OPN5: variants seen among roughly 807,000 people sequenced by gnomAD.
OPN5 encodes opsin 5.
In OPN5, 18 loss-of-function variants were observed where a neutral mutation model predicts 41.7. That is an observed-to-expected ratio of 0.43 (90% CI 0.30 to 0.64). The LOEUF is 0.64. Ranked by LOEUF, OPN5 falls within the 30% of genes least tolerant of loss-of-function variation. OPN5 has a pLI of 0.13. For synonymous variants in OPN5, 178 were observed against 164.3 expected (o/e 1.08, Z -0.64); for missense variants, 318 against 434.5 (o/e 0.73, Z 2.38).
intron 6 of OPN5, among the ~76,000 whole-genome samples, chr6:47,815,845 C>T (rs571531036): frequency 6.6e-6 from 1 of 152,226 alleles, no homozygotes; most frequent in South Asian, 2.1e-4. Context: ...CATATTTGTT[C>T]ACCAGGTTAT....
chr6:47,808,276 A>C, exon 5 of OPN5: 1 of 1,613,896 alleles, frequency 6.2e-7, no homozygotes, highest in Non-Finnish European at 8.5e-7. Flanking sequence ...TGCCAACCCT[A>C]CTTGCAAAAT....
At chr6:47,788,315 T>G (rs1338264958) in intron 2 of OPN5, among the ~76,000 whole-genome samples, 1 of 152,228 alleles carries the variant, frequency 6.6e-6, no homozygotes. Flanking sequence ...GAGCGTAACA[T>G]GCCTGAATGA....
chr6:47,798,611 A>T (rs921044200), intron 4 of OPN5, among the ~76,000 whole-genome samples: 3 of 151,118 alleles, frequency 2.0e-5, no homozygotes, highest in Non-Finnish European at 4.4e-5. Flanking sequence ...TCTATATTTC[A>T]TTTATTTATA....
intron 4 of OPN5, among the ~76,000 whole-genome samples, chr6:47,806,474 G>A (rs995868486): frequency 2.0e-5 from 3 of 152,130 alleles, no homozygotes; most frequent in Non-Finnish European, 4.4e-5. Context: ...TGTCTGCTTT[G>A]TTTATTGCTT....
intron 2 of OPN5, among the ~76,000 whole-genome samples, chr6:47,791,238 T>C (rs568903556): frequency 2.0e-5 from 3 of 152,210 alleles, no homozygotes; most frequent in East Asian, 1.9e-4. Context: ...AGAAAAAATG[T>C]TATGATCACC....
At chr6:47,820,133 TAGAG>T (rs5876036) in intron 6 of OPN5, among the ~76,000 whole-genome samples, 3,098 of 149,160 alleles carry the variant, frequency 0.021, 78 homozygotes, top group African/African-American at 0.061. Flanking sequence ...TCCTTTTGAA[TAGAG>T]AGAGAGAGAG....
At chr6:47,797,483 G>C (rs1189243106) in intron 4 of OPN5, among the ~76,000 whole-genome samples, 1 of 152,046 alleles carries the variant, frequency 6.6e-6, no homozygotes. Context: ...ATCAATCCTA[G>C]TTAAAGTTGA....
At chr6:47,795,920 T>C (rs905237913) in intron 4 of OPN5, among the ~76,000 whole-genome samples, 20 of 152,180 alleles carry the variant, frequency 1.3e-4, no homozygotes, top group African/African-American at 4.8e-4. Flanking sequence ...AAGAATAACT[T>C]TTATGAATCA....
At position 47,799,073 on chromosome 6, in the gene OPN5, G is replaced by T. The variant is rs540914704; in HGVS notation, c.756+3510G>T. Among the ~76,000 whole-genome samples, 50 of 152,074 alleles carry T rather than the reference G, an allele frequency of 3.3e-4. No individual in the cohort carries two copies. The East Asian group carries it at 9.7e-3, about 29-fold the overall frequency. ...GTCTGATCTCGTGAAGCTAAAAGTT[G>T]GCATTCTGTCTGCAAACCTTTCTCT... On this transcript the variant is annotated intron_variant, in intron 4 of 6. Coordinates refer to ENST00000371211, the Ensembl canonical transcript of OPN5.
At chr6:47,825,633 G>A (rs1762770058), downstream of OPN5, 1 of 152,182 alleles carries the variant, frequency 6.6e-6, no homozygotes, top group Non-Finnish European at 1.5e-5. Context: ...TTCAAGAACT[G>A]ATTCTGTTTT....
chr6:47,822,109 C>CAAAA (rs11284494), intron 6 of OPN5, among the ~76,000 whole-genome samples: 1 of 89,102 alleles, frequency 1.1e-5, no homozygotes, highest in South Asian at 3.9e-4. Context: ...GACTCTGTCT[C>CAAAA]AAAAAAAAAA....
chr6:47,790,080 T>G (rs1324133443), intron 2 of OPN5, among the ~76,000 whole-genome samples: 1 of 152,122 alleles, frequency 6.6e-6, no homozygotes, highest in Non-Finnish European at 1.5e-5. Context: ...GACCTCACAT[T>G]TACTGAAATA....
Position 47,791,989 on chromosome 6 carries a change from C to T in OPN5, c.421+17C>T. ...TATCTTATGGTAAGTTGGCAGGTTTCTCATTCCCTGACAGTTAAAGCTAGG... is the reference window on the plus strand; with the variant it reads ...TATCTTATGGTAAGTTGGCAGGTTTTTCATTCCCTGACAGTTAAAGCTAGG... On this transcript the variant is annotated intron_variant, in intron 3 of 6. Transcript: ENST00000371211. 6.3e-7 allele frequency: 1 copy of T among 1,599,448 alleles called. No individual in the cohort carries two copies. Among genetic ancestry groups the T allele is most frequent in the Non-Finnish European group, 8.6e-7 (1 of 1,168,092 alleles).
exon 2 of OPN5, chr6:47,786,612 A>C (rs1343012271): frequency 1.9e-6 from 3 of 1,613,268 alleles, no homozygotes; most frequent in South Asian, 1.1e-5. Context: ...TCAATTTAGC[A>C]GTCTGTGATC....
chr6:47,818,031 T>C (rs1762483193), intron 6 of OPN5, among the ~76,000 whole-genome samples: 1 of 152,166 alleles, frequency 6.6e-6, no homozygotes, highest in Non-Finnish European at 1.5e-5. Flanking sequence ...TATATTAGGA[T>C]TGACTACTTA....
At chr6:47,792,173 A>G (rs1215065749) in intron 3 of OPN5, among the ~76,000 whole-genome samples, 1 of 152,186 alleles carries the variant, frequency 6.6e-6, no homozygotes, top group Non-Finnish European at 1.5e-5. Context: ...TTTAATACAT[A>G]TTTTATAGTA....
intron 6 of OPN5, among the ~76,000 whole-genome samples, chr6:47,822,684 G>T (rs55829303): frequency 6.6e-6 from 1 of 152,172 alleles, no homozygotes; most frequent in Non-Finnish European, 1.5e-5. Flanking sequence ...TGTGGAGCCT[G>T]GCAAGAAGGG....
At chr6:47,795,610 C>T in intron 4 of OPN5, 47 bp downstream of exon 4, 1 of 1,304,804 alleles carries the variant, frequency 7.7e-7, no homozygotes, top group Non-Finnish European at 1.1e-6. Context: ...CTACTTACAA[C>T]TTCATAGGGT....
At chr6:47,822,128 A>G (rs867647646) in intron 6 of OPN5, among the ~76,000 whole-genome samples, 1 of 148,016 alleles carries the variant, frequency 6.8e-6, no homozygotes, top group African/African-American at 2.5e-5. Flanking sequence ...AAAAAAAAAA[A>G]TGCAGGTGAT....
Sources: allele counts gnomAD v4.1 joint callset (sites outside exome capture counted in the v4.1 genomes callset), GRCh38; gene constraint gnomAD v4.1.1; transcripts MANE v1.5; gene names NCBI Gene and HGNC (gene_info 2026-07-23, HGNC 2026-07-21).